Variants in FAM124A observed in about 807,000 individuals in gnomAD.
FAM124A encodes family with sequence similarity 124 member A.
In FAM124A, 23 loss-of-function variants were observed where a neutral mutation model predicts 24.5. The ratio of observed to expected loss-of-function variants is 0.94; its 90% CI spans 0.68 to 1.33. The LOEUF is 1.33. Ranked by LOEUF, FAM124A falls within the 40% of genes most tolerant of loss-of-function variation. The pLI is 0.00. For missense variants in FAM124A, 623 were observed against 722.8 expected, an observed-to-expected ratio of 0.86 and a Z score of 1.58; for synonymous variants, 287 against 314.7, an observed-to-expected ratio of 0.91 and a Z score of 0.93.
At position 51,281,111 on chromosome 13, in the gene FAM124A, C is replaced by T. The variant is rs1954933146; in HGVS notation, c.1496C>T (p.Pro499Leu). 6.2e-7 allele frequency: 1 copy of T among 1,614,102 alleles called. No individual in the cohort carries two copies. Among genetic ancestry groups the T allele is most frequent in the Middle Eastern group, 1.6e-4 (1 of 6,062 alleles). ...TCAGCGACAGCTCGTGCTGCTCCCC[C>T]AGCTCCCAGCACCTCCACCCTCACA... is the stretch of plus-strand genomic sequence containing the variant. ...SSSATARAAP[P>L]APSTSTLTDS... The change falls in exon 4 of 4, where the codon CCA becomes CTA. Residue 499 changes from proline (P) to leucine (L), a missense_variant. Pro to Leu is a moderately conservative substitution (Grantham distance 98, BLOSUM62 -3). Transcript: ENST00000322475.
At position 51,258,979 on chromosome 13, in the gene FAM124A, A is replaced by T. The variant is rs1265275236; in HGVS notation, c.834+6778A>T. Among the ~76,000 whole-genome samples, 1 of 152,178 alleles carries T rather than the reference A, an allele frequency of 6.6e-6. No homozygotes were observed. The highest frequency in any genetic ancestry group is 2.4e-5 in the African/African-American group (1 of 41,446). Reference sequence around the variant, plus strand: ...GAGCAGAAGGCACAATGGCCTGGGCAGGACGGGGCCGGGGCAGCCGTCAGG... The same window carrying T: ...GAGCAGAAGGCACAATGGCCTGGGCTGGACGGGGCCGGGGCAGCCGTCAGG... On this transcript the variant is annotated intron_variant, in intron 3 of 3. Transcript: ENST00000322475. The surrounding 1 kb of genome is among the most constrained non-coding windows in gnomAD (Gnocchi z 4.2).
chr13:51,227,912 G>C (rs1954332616), intron 1 of FAM124A, among the ~76,000 whole-genome samples: 1 of 152,218 alleles, frequency 6.6e-6, no homozygotes, highest in South Asian at 2.1e-4. Flanking sequence ...AAATAGGTGG[G>C]TGGAAAAGAA....
chr13:51,253,616 G>A (rs1260180402), intron 3 of FAM124A: 3 of 152,184 alleles, frequency 2.0e-5, no homozygotes, highest in Non-Finnish European at 2.9e-5. Flanking sequence ...CAAAAAGAAT[G>A]TGACTGTTTC....
rs371770201 is a variant in FAM124A at position 51,251,545 on chromosome 13, C to A, written c.178C>A (p.Pro60Thr). 2.8e-5 allele frequency: 43 copies of A among 1,527,064 alleles called. No individual in the cohort carries two copies. In the African/African-American group the frequency reaches 5.4e-4, roughly 19 times the overall value. 94.6% of individuals were successfully genotyped at this position (1,527,064 alleles called of 1,614,324 possible). A position where few individuals can be genotyped will look rare whatever the true frequency, so the allele number is the denominator to read the frequency against. ...HIIADPGESQ[P>T]LQEAIDNVLA... ...AATCGCAGACCCAGGGGAGTCCCAG[C>A]CCCTGCAGGAGGCCATCGACAACGT... Residue 60 changes from proline (P) to threonine (T), a missense_variant, in exon 3 of 4, where the codon CCC becomes ACC. Transcript: ENST00000322475. The surrounding 1 kb of genome is among the most constrained non-coding windows in gnomAD (Gnocchi z 5.3).
chr13:51,241,497 T>C (rs771671487), intron 2 of FAM124A, among the ~76,000 whole-genome samples: 4 of 151,900 alleles, frequency 2.6e-5, no homozygotes, highest in Non-Finnish European at 5.9e-5. Flanking sequence ...GAACTGGGAG[T>C]TGGGAGATGT....
rs73492203 is a variant in FAM124A at position 51,280,907 on chromosome 13, A to G, written c.1292A>G (p.Tyr431Cys). 5.8e-3 allele frequency: 9,325 copies of G among 1,614,068 alleles called. 408 individuals carry two copies. In the African/African-American group the frequency reaches 0.099, roughly 17 times the overall value. The change falls in exon 4 of 4, where the codon TAT becomes TGT. Residue 431 changes from tyrosine (Y) to cysteine (C), a missense_variant. Coordinates refer to ENST00000322475, the MANE Select transcript of FAM124A (RefSeq NM_001242312.2). ...SSSDLSVVSAYSAPSRFCSTV... is the reference protein window; with the variant it reads ...SSSDLSVVSACSAPSRFCSTV... Reference sequence around the variant, plus strand: ...TCGGACCTGTCTGTGGTCTCTGCATATTCTGCACCCAGTAGGTTCTGCAGC... The same window carrying G: ...TCGGACCTGTCTGTGGTCTCTGCATGTTCTGCACCCAGTAGGTTCTGCAGC...
intron 2 of FAM124A, among the ~76,000 whole-genome samples, chr13:51,236,968 A>G (rs912556735): frequency 6.6e-6 from 1 of 152,200 alleles, no homozygotes; most frequent in African/African-American, 2.4e-5. Flanking sequence ...ATAAAGAACA[A>G]TTTTAGCTAT....
intron 3 of FAM124A, among the ~76,000 whole-genome samples, chr13:51,271,906 C>A (rs1311328401): frequency 6.6e-6 from 1 of 152,142 alleles, no homozygotes; most frequent in East Asian, 1.9e-4. Context: ...GTTGAGGAGA[C>A]CTGACTCACT....
intron 2 of FAM124A, among the ~76,000 whole-genome samples, chr13:51,250,940 TGTGAGGCA>T (rs1954613673): frequency 6.6e-6 from 1 of 152,204 alleles, no homozygotes; most frequent in African/African-American, 2.4e-5. Flanking sequence ...CCTCACTCCC[TGTGAGGCA>T]GGTAGGAAGG....
At position 51,280,981 on chromosome 13, in the gene FAM124A, G is replaced by A; in HGVS notation, c.1366G>A (p.Ala456Thr). ...CGAAAGATGCAGCAGCCACTGGGCA[G>A]CTCACAAGGATTCCAGGGAGGGACC... ...PSERCSSHWA[A>T]HKDSREGPLP... Residue 456 changes from alanine to threonine, a missense_variant, in exon 4 of 4, where the codon GCT becomes ACT. By Grantham distance (58) the Ala-to-Thr change is moderately conservative. Transcript: ENST00000322475. 1 of 1,614,064 alleles carries A rather than the reference G, an allele frequency of 6.2e-7. No homozygotes were observed.
chr13:51,244,908 G>T (rs548600925), intron 2 of FAM124A, among the ~76,000 whole-genome samples: 1 of 152,314 alleles, frequency 6.6e-6, no homozygotes, highest in South Asian at 2.1e-4. Flanking sequence ...TGATTTCAGA[G>T]CCCCAGCCAA....
chr13:51,262,632 G>C (rs1041995876), intron 3 of FAM124A, among the ~76,000 whole-genome samples: 3 of 152,148 alleles, frequency 2.0e-5, no homozygotes, highest in African/African-American at 7.2e-5. Flanking sequence ...CATTCAAACG[G>C]AAGGTCAAAC....
intron 3 of FAM124A, among the ~76,000 whole-genome samples, chr13:51,274,970 C>T (rs892680448): frequency 2.6e-5 from 4 of 152,166 alleles, no homozygotes; most frequent in South Asian, 4.1e-4. Flanking sequence ...CCTAAAGAAT[C>T]GTGGCTTAAT....
chr13:51,283,844 T>G lies in FAM124A; in HGVS notation c.*2588T>G, dbSNP rs1388876585. The G allele has an allele frequency of 6.7e-6, 1 of 149,940 alleles. No individual in the cohort carries two copies. Among genetic ancestry groups the G allele is most frequent in the Admixed American group, 6.6e-5 (1 of 15,074 alleles). The allele number at this position is 149,940 out of a possible 1,614,324, so 9.3% of individuals were successfully genotyped here. ...CTTCTTTCTCCCTAATCAGTGTCCT[T>G]ATTTCAGTGTGCTCACATGCTCGCC... On this transcript the variant is annotated 3_prime_UTR_variant, in exon 4 of 4. Coordinates refer to ENST00000322475, the MANE Select transcript of FAM124A (RefSeq NM_001242312.2).
intron 2 of FAM124A, among the ~76,000 whole-genome samples, chr13:51,237,966 G>A (rs1010165108): frequency 1.3e-5 from 2 of 152,214 alleles, no homozygotes; most frequent in African/African-American, 4.8e-5. Context: ...CTGTGGAGGG[G>A]CTTTGGGATA....
At chr13:51,268,249 A>G (rs1332494855) in intron 3 of FAM124A, among the ~76,000 whole-genome samples, 1 of 152,230 alleles carries the variant, frequency 6.6e-6, no homozygotes, top group Non-Finnish European at 1.5e-5. Context: ...TTAGGAGACA[A>G]ATTCAGTTCT....
intron 3 of FAM124A, among the ~76,000 whole-genome samples, chr13:51,261,354 A>G (rs1954735202): frequency 1.3e-5 from 2 of 152,182 alleles, no homozygotes; most frequent in Admixed American, 1.3e-4. Context: ...ACCCTGAAGG[A>G]AATCGCTATT....
At chr13:51,252,532 G>T in intron 3 of FAM124A, 4 of 364,756 alleles carry the variant, frequency 1.1e-5, no homozygotes, top group South Asian at 8.3e-5. Flanking sequence ...TAGGGAATTT[G>T]CTATTAAAGA....
intron 1 of FAM124A, among the ~76,000 whole-genome samples, chr13:51,223,315 C>T (rs1329409004): frequency 6.6e-6 from 1 of 152,056 alleles, no homozygotes; most frequent in Non-Finnish European, 1.5e-5. Context: ...AGACAAAATG[C>T]CTTTTAGGAG....
Sources: gnomAD v4.1 joint callset for allele counts (sites outside exome capture counted in the v4.1 genomes callset) on GRCh38, gnomAD v4.1.1 for gene constraint, Gnocchi (gnomAD v3.1) non-coding constraint, MANE v1.5 for transcripts, NCBI Gene and HGNC (gene_info 2026-07-23, HGNC 2026-07-21) for gene names.